Variants in MCF2L observed in about 807,000 individuals in gnomAD.
The protein encoded by MCF2L is MCF.2 cell line derived transforming sequence like.
A neutral mutation model predicts 153.4 loss-of-function variants in MCF2L; 97 were observed. The ratio of observed to expected loss-of-function variants is 0.63; its 90% CI spans 0.54 to 0.75. The LOEUF (loss-of-function observed/expected upper bound fraction) is 0.75. Among genes scored for constraint, MCF2L ranks in the 30% least tolerant of loss-of-function variants. MCF2L has a pLI of 0.00. For synonymous variants in MCF2L, 659 were observed against 632.2 expected (o/e 1.04, Z -0.64); for missense variants, 1,347 against 1,495.2 (o/e 0.90, Z 1.64).
At position 113,084,765 on chromosome 13, in the gene MCF2L, G is replaced by A. The variant is rs1311354539; in HGVS notation, c.2062-127G>A. The A allele has an allele frequency of 1.1e-5, 8 of 747,184 alleles. 1 individual carries two copies. Among genetic ancestry groups the A allele is most frequent in the African/African-American group, 5.2e-5 (3 of 57,950 alleles). The allele number at this position is 747,184 out of a possible 1,614,324, so 46.3% of individuals were successfully genotyped here. On this transcript the variant is annotated intron_variant, in intron 18 of 29. Coordinates refer to ENST00000535094, the MANE Select transcript of MCF2L (RefSeq NM_001112732.3). ...GCTATGGGGCCAGCAGCAATGCCTC[G>A]CAGGGCCGGGAAGACGCTGCGTGAT... is the stretch of plus-strand genomic sequence containing the variant.
chr13:112,895,812 G>A (rs545802860), intron 1 of MCF2L, among the ~76,000 whole-genome samples: 16 of 152,224 alleles, frequency 1.1e-4, no homozygotes, highest in Middle Eastern at 3.4e-3. Context: ...CAACTTCACC[G>A]GGCTGTGCAG....
chr13:113,036,999 C>T (rs575973490), intron 3 of MCF2L, among the ~76,000 whole-genome samples: 3 of 152,346 alleles, frequency 2.0e-5, no homozygotes, highest in Non-Finnish European at 4.4e-5. Context: ...CACTGGTCTG[C>T]ACACTGGTGT....
intron 2 of MCF2L, among the ~76,000 whole-genome samples, chr13:112,961,928 C>T (rs2873371): frequency 0.22 from 34,164 of 152,110 alleles, 4,298 homozygotes; most frequent in Middle Eastern, 0.28. Flanking sequence ...CACTCACCCA[C>T]CTCCTCCAGT....
rs990954806 is a variant in MCF2L, at chr13:112,993,692, G to A, written c.80-21071G>A. On this transcript the variant is annotated intron_variant, in intron 1 of 29. Transcript: ENST00000535094. This position sits in a 1 kb window ranked among gnomAD's most constrained non-coding sequence, Gnocchi z 4.6. Reference sequence around the variant, plus strand: ...GTCAGGCTTGGAATTTGGGGTGGACGGTGGTGCCATCAGTCAAGAGAGACT... The same window carrying A: ...GTCAGGCTTGGAATTTGGGGTGGACAGTGGTGCCATCAGTCAAGAGAGACT... Among the ~76,000 whole-genome samples the A allele has an allele frequency of 2.6e-5, 4 of 152,070 alleles. No individual in the cohort carries two copies. The highest frequency in any genetic ancestry group is 4.4e-5 in the Non-Finnish European group (3 of 68,024).
intron 1 of MCF2L, among the ~76,000 whole-genome samples, chr13:112,899,985 C>A (rs1010486197): frequency 2.6e-5 from 4 of 152,254 alleles, no homozygotes; most frequent in Middle Eastern, 3.4e-3. Context: ...AGGATGTAGC[C>A]CTCATGCCTG....
chr13:112,930,868 CA>C (rs1452204942), intron 2 of MCF2L, among the ~76,000 whole-genome samples: 6 of 152,240 alleles, frequency 3.9e-5, no homozygotes, highest in African/African-American at 1.4e-4. Context: ...ACCCAGGAGG[CA>C]GGGGTTGGAG....
rs2086753690 is a variant in MCF2L, at chr13:113,045,464, G to A, written c.369+103G>A. The A allele has an allele frequency of 6.8e-6, 7 of 1,036,118 alleles. No individual in the cohort carries two copies. The highest frequency in any genetic ancestry group is 1.6e-5 in the African/African-American group (1 of 63,306). 64.2% of individuals were successfully genotyped at this position (1,036,118 alleles called of 1,614,324 possible). A position where few individuals can be genotyped will look rare whatever the true frequency, so the allele number is the denominator to read the frequency against. ...TCTGCCGCAGTTCCTGCTTTGTGCTGAGTGGGACAGAGCCCAGTCCCGGCG... is the reference window on the plus strand; with the variant it reads ...TCTGCCGCAGTTCCTGCTTTGTGCTAAGTGGGACAGAGCCCAGTCCCGGCG... On this transcript the variant is annotated intron_variant, in intron 4 of 29. Transcript: ENST00000535094. The surrounding 1 kb of genome is among the most constrained non-coding windows in gnomAD (Gnocchi z 4.2).
At position 112,942,059 on chromosome 13, in the gene MCF2L, G is replaced by A. The variant is rs9549322; in HGVS notation, c.169+39688G>A. On this transcript the variant is annotated intron_variant, in intron 2 of 29. Transcript: ENST00000375608. ...CCACTACTTAGCAGACCGGGAAAGG[G>A]AGTCTCCTTTTCCCTGGGGGGATTT... Among the ~76,000 whole-genome samples the A allele has an allele frequency of 8.0e-3, 1,226 of 152,306 alleles. 11 individuals carry two copies. Among genetic ancestry groups the A allele is most frequent in the Admixed American group, 0.013 (193 of 15,302 alleles).
intron 16 of MCF2L, among the ~76,000 whole-genome samples, chr13:113,082,206 G>T (rs2034208619): frequency 6.6e-6 from 1 of 152,210 alleles, no homozygotes; most frequent in African/African-American, 2.4e-5. Flanking sequence ...ATCATAAAAG[G>T]TTAAAAGGGA....
intron 4 of MCF2L, chr13:113,052,766 T>TGTGC (rs1375320438): frequency 1.3e-5 from 2 of 152,078 alleles, no homozygotes; most frequent in Non-Finnish European, 2.9e-5. Flanking sequence ...TGTGTGTGTG[T>TGTGC]GTGCGTGTGT....
At chr13:112,996,409 AC>A (rs1260891011) in intron 1 of MCF2L, among the ~76,000 whole-genome samples, 1 of 152,038 alleles carries the variant, frequency 6.6e-6, no homozygotes, top group African/African-American at 2.4e-5. Flanking sequence ...AGCTGTAGTG[AC>A]CCCGACACGC....
intron 20 of MCF2L, 28 bp from the exon 21 acceptor site, chr13:113,086,096 C>A (rs751096358): frequency 1.3e-6 from 2 of 1,589,796 alleles, no homozygotes; most frequent in African/African-American, 1.4e-5. Context: ...CGTGTCCCGA[C>A]GCGGTTGCCT....
chr13:112,960,045 T>G lies in MCF2L; in HGVS notation c.170-54718T>G, dbSNP rs1204357012. On this transcript the variant is annotated intron_variant, in intron 2 of 29. Transcript: ENST00000375608. The surrounding 1 kb of genome is among the most constrained non-coding windows in gnomAD (Gnocchi z 4.2). ...TGCCTGTGTCACCGAGGTCCCTCGG[T>G]AACTTCAGGGCAGAGGCCTTCTGTC... Among the ~76,000 whole-genome samples the G allele has an allele frequency of 6.6e-6, 1 of 152,246 alleles. No individual in the cohort carries two copies. Among genetic ancestry groups the G allele is most frequent in the African/African-American group, 2.4e-5 (1 of 41,468 alleles).
chr13:113,000,470 G>A (rs2083317456), intron 1 of MCF2L, among the ~76,000 whole-genome samples: 1 of 152,232 alleles, frequency 6.6e-6, no homozygotes, highest in Non-Finnish European at 1.5e-5. Context: ...CCCTAAGTGT[G>A]TGCAGCGTGG....
At position 113,045,490 on chromosome 13, in the gene MCF2L, G is replaced by A. The variant is rs2086755828; in HGVS notation, c.369+129G>A. 4.9e-6 allele frequency: 4 copies of A among 813,706 alleles called. No homozygotes were observed. In the African/African-American group the frequency reaches 5.1e-5, roughly 10 times the overall value. The allele number at this position is 813,706 out of a possible 1,614,324, so 50.4% of individuals were successfully genotyped here. On this transcript the variant is annotated intron_variant, in intron 4 of 29. Coordinates refer to ENST00000535094, the MANE Select transcript of MCF2L (RefSeq NM_001112732.3). The surrounding 1 kb of genome is among the most constrained non-coding windows in gnomAD (Gnocchi z 4.2). ...AGTGGGACAGAGCCCAGTCCCGGCG[G>A]GTGGAGGCCGGCGCCAAGGCCCCCC...
chr13:112,939,717 C>A (rs2140661136), intron 2 of MCF2L, among the ~76,000 whole-genome samples: 2 of 152,284 alleles, frequency 1.3e-5, no homozygotes, highest in Middle Eastern at 3.4e-3. Flanking sequence ...GTGGCTCACG[C>A]CTGTAATCCC....
chr13:112,978,864 C>T (rs989061034), intron 1 of MCF2L, among the ~76,000 whole-genome samples: 10 of 152,208 alleles, frequency 6.6e-5, no homozygotes, highest in African/African-American at 2.4e-4. Context: ...CGGCCTTGCA[C>T]ATCAGCTGTG....
At chr13:113,018,362 T>C (rs1426786869) in intron 2 of MCF2L, among the ~76,000 whole-genome samples, 1 of 152,268 alleles carries the variant, frequency 6.6e-6, no homozygotes, top group Non-Finnish European at 1.5e-5. Flanking sequence ...CTACGAGACC[T>C]GCCACCCTAC....
At chr13:112,897,312 C>T (rs1457886521) in intron 1 of MCF2L, among the ~76,000 whole-genome samples, 3 of 152,004 alleles carry the variant, frequency 2.0e-5, no homozygotes, top group African/African-American at 2.4e-5. Flanking sequence ...CCATCGTGAA[C>T]GTGGTGGTCA....
Sources: gnomAD v4.1 joint callset for allele counts (sites outside exome capture counted in the v4.1 genomes callset) on GRCh38, gnomAD v4.1.1 for gene constraint, Gnocchi (gnomAD v3.1) non-coding constraint, MANE v1.5 for transcripts, NCBI Gene and HGNC (gene_info 2026-07-23, HGNC 2026-07-21) for gene names.